Variants in PSIP1 observed in about 807,000 individuals in gnomAD.
The protein encoded by PSIP1 is PC4 and SFRS1-interacting protein.
PSIP1 carries 19 observed loss-of-function variants against 74.7 expected under a neutral mutation model. The observed-to-expected ratio is 0.25, with a 90% CI of 0.18 to 0.37. The LOEUF (loss-of-function observed/expected upper bound fraction) is 0.37. Ranked by LOEUF, PSIP1 falls within the 10% of genes least tolerant of loss-of-function variation. PSIP1 has a pLI of 1.00. For synonymous variants in PSIP1, 222 were observed against 195.3 expected (o/e 1.14, Z -1.14); for missense variants, 601 against 614.3 (o/e 0.98, Z 0.23).
At chr9:15,468,187 G>T (rs918462130) in intron 14 of PSIP1, among the ~76,000 whole-genome samples, 30 of 151,636 alleles carry the variant, frequency 2.0e-4, no homozygotes, top group East Asian at 1.9e-4. Context: ...TAACTCAGCA[G>T]CATCATCAGA....
intron 8 of PSIP1, among the ~76,000 whole-genome samples, chr9:15,474,517 T>A (rs1156438425): frequency 6.6e-6 from 1 of 152,202 alleles, no homozygotes; most frequent in Non-Finnish European, 1.5e-5. Context: ...CAAATGGAAT[T>A]GCGGAAGTGA....
At chr9:15,466,220 A>G (rs1235886863) in intron 15 of PSIP1, among the ~76,000 whole-genome samples, 2 of 152,224 alleles carry the variant, frequency 1.3e-5, no homozygotes, top group Non-Finnish European at 2.9e-5. Context: ...TCTACTAAAA[A>G]TACAAAAAAT....
At chr9:15,481,072 T>TG (rs763189197) in intron 6 of PSIP1, among the ~76,000 whole-genome samples, 2 of 152,258 alleles carry the variant, frequency 1.3e-5, no homozygotes, top group African/African-American at 2.4e-5. Context: ...AGGTAACCCT[T>TG]GAGTTGTTCT....
chr9:15,471,885 A>G (rs2035847333), intron 10 of PSIP1: 3 of 982,744 alleles, frequency 3.1e-6, no homozygotes, highest in South Asian at 4.7e-5. Context: ...AACAAAATTT[A>G]GTCAGAATGT....
intron 6 of PSIP1, among the ~76,000 whole-genome samples, chr9:15,482,792 T>G (rs2036392251): frequency 6.6e-6 from 1 of 152,230 alleles, no homozygotes; most frequent in African/African-American, 2.4e-5. Context: ...TTCAAAGATT[T>G]AAAAAGCACA....
chr9:15,476,316 AGACTGGAAACCCTAATACGTTATTATAC>A (rs1434662462), intron 8 of PSIP1, among the ~76,000 whole-genome samples: 1 of 152,200 alleles, frequency 6.6e-6, no homozygotes, highest in Non-Finnish European at 1.5e-5. Context: ...TAGGGCTGGG[AGACTGGAAACCCTAATACGTTATTATAC>A]AATGGGTAAA....
chr9:15,474,428 C>G lies in PSIP1; in HGVS notation c.630-191G>C, dbSNP rs550426955. Among the ~76,000 whole-genome samples the G allele has an allele frequency of 1.7e-4, 26 of 152,256 alleles. No individual in the cohort carries two copies. The South Asian group carries it at 4.4e-3, about 25-fold the overall frequency. On this transcript the variant is annotated intron_variant, in intron 8 of 15. Coordinates refer to ENST00000380733, the MANE Select transcript of PSIP1 (RefSeq NM_033222.5). ...TATAAATTAGAAGATAGAAGATGGGCAGATCCCTGGCTCTTATGGAACTTA... is the reference window on the plus strand; with the variant it reads ...TATAAATTAGAAGATAGAAGATGGGGAGATCCCTGGCTCTTATGGAACTTA...
rs769010807 is a variant in PSIP1 at position 15,469,740 on chromosome 9, CAT to C, written c.1033+196_1033+197del. ...CATCAAATAATTAATGAGCATTAAA[CAT>C]AAACAACTCAAGCAAGTTCACTTGA... On this transcript the variant is annotated intron_variant, in intron 11 of 15. Transcript: ENST00000380733. Among the ~76,000 whole-genome samples, 11 of 152,234 alleles carry C rather than the reference CAT, an allele frequency of 7.2e-5. No individual in the cohort carries two copies. The South Asian group carries it at 1.5e-3, about 20-fold the overall frequency.
intron 3 of PSIP1, among the ~76,000 whole-genome samples, chr9:15,499,971 T>C (rs533977538): frequency 1.0e-3 from 157 of 152,094 alleles, no homozygotes; most frequent in Middle Eastern, 3.4e-3. Flanking sequence ...CCAAGTAATA[T>C]TGCTAAACAG....
Position 15,470,871 on chromosome 9 carries a change from A to T in PSIP1, c.978-878T>A, listed in dbSNP as rs1243489602. The T allele has an allele frequency of 2.8e-6, 3 of 1,090,140 alleles. No homozygotes were observed. In the East Asian group the frequency reaches 1.4e-4, roughly 52 times the overall value. The allele number at this position is 1,090,140 out of a possible 1,614,324, so 67.5% of individuals were successfully genotyped here. ...TATATTTTCTAGATGAATAATGTAC[A>T]ACCACCATCTTCGTCTGAGCTTGTT... On this transcript the variant is annotated intron_variant, in intron 10 of 15. Transcript: ENST00000380733.
rs200620037 is a variant in PSIP1 at position 15,469,976 on chromosome 9, C to A, written c.995G>T (p.Gly332Val). ...CACTTTCTTAACTTCTGGCTTCTTT[C>A]CTTCATCTTTATTCTGCCTATCAAA... ...METEQQNKDEGKKPEVKKVEK... is the reference protein window; with the variant it reads ...METEQQNKDEVKKPEVKKVEK... Residue 332 changes from glycine (G) to valine (V), a missense_variant, in exon 11 of 16, where the codon GGA (glycine) becomes GTA (valine). By Grantham distance (109) the Gly-to-Val change is moderately radical. Coordinates refer to ENST00000380733, the MANE Select transcript of PSIP1 (RefSeq NM_033222.5). 2.5e-5 allele frequency: 40 copies of A among 1,607,594 alleles called. No individual in the cohort carries two copies. Among genetic ancestry groups the A allele is most frequent in the Non-Finnish European group, 3.4e-5 (40 of 1,178,212 alleles).
At chr9:15,495,455 G>A (rs964239554) in intron 3 of PSIP1, among the ~76,000 whole-genome samples, 2 of 151,966 alleles carry the variant, frequency 1.3e-5, no homozygotes, top group Non-Finnish European at 2.9e-5. Context: ...TATTACTGAC[G>A]GTTATGTAAA....
chr9:15,472,478 G>A, intron 10 of PSIP1, 154 bp downstream of exon 10: 2 of 1,402,358 alleles, frequency 1.4e-6, no homozygotes, highest in Middle Eastern at 4.3e-4. Flanking sequence ...CCTGAAATAA[G>A]ATCATCATCA....
chr9:15,471,835 G>T lies in PSIP1; in HGVS notation c.977+797C>A, dbSNP rs1057403774. 6.2e-6 allele frequency: 6 copies of T among 961,802 alleles called. No homozygotes were observed. The Admixed American group carries it at 3.1e-4, about 49-fold the overall frequency. The allele number at this position is 961,802 out of a possible 1,614,324, so 59.6% of individuals were successfully genotyped here. A position where few individuals can be genotyped will look rare whatever the true frequency, so the allele number is the denominator to read the frequency against. On this transcript the variant is annotated intron_variant, in intron 10 of 15. Transcript: ENST00000380733. ...ATTAACTTTGTCTTATTGACCTAGAGCATGTTTTAAAAATCACCTCACTAA... is the reference window on the plus strand; with the variant it reads ...ATTAACTTTGTCTTATTGACCTAGATCATGTTTTAAAAATCACCTCACTAA...
chr9:15,483,285 T>G (rs1460983563), intron 6 of PSIP1, among the ~76,000 whole-genome samples: 4 of 152,126 alleles, frequency 2.6e-5, no homozygotes, highest in African/African-American at 9.7e-5. Context: ...ACCAACATCC[T>G]CTGCACTCCC....
At chr9:15,467,159 T>G (rs1242246714) in intron 14 of PSIP1, among the ~76,000 whole-genome samples, 1 of 152,202 alleles carries the variant, frequency 6.6e-6, no homozygotes, top group Admixed American at 6.5e-5. Context: ...TTATTCTGGT[T>G]GTTACTATTA....
At chr9:15,465,672 C>T (rs1382512948) in intron 15 of PSIP1, 92 bp from the exon 16 acceptor site, 3 of 1,050,146 alleles carry the variant, frequency 2.9e-6, no homozygotes, top group Non-Finnish European at 4.1e-6. Flanking sequence ...TTTTTAAACC[C>T]ATGAAAAGAC....
At chr9:15,467,957 C>A (rs2035700734) in intron 14 of PSIP1, among the ~76,000 whole-genome samples, 1 of 150,548 alleles carries the variant, frequency 6.6e-6, no homozygotes, top group South Asian at 2.1e-4. Context: ...CCCGTGCCTA[C>A]TAAAAATACA....
At chr9:15,473,511 A>C (rs1356103115) in intron 9 of PSIP1, among the ~76,000 whole-genome samples, 4 of 152,232 alleles carry the variant, frequency 2.6e-5, no homozygotes, top group African/African-American at 9.6e-5. Flanking sequence ...TAACACAGCT[A>C]ATTCAAGTCT....
Sources: allele counts gnomAD v4.1 joint callset (sites outside exome capture counted in the v4.1 genomes callset), GRCh38; gene constraint gnomAD v4.1.1; transcripts MANE v1.5; gene names NCBI Gene and HGNC (gene_info 2026-07-23, HGNC 2026-07-21).